Variants in TBXAS1 observed in about 807,000 individuals in gnomAD.
The protein encoded by TBXAS1 is thromboxane-A synthase.
A neutral mutation model predicts 60.7 loss-of-function variants in TBXAS1; 48 were observed. The observed-to-expected ratio is 0.79, with a 90% CI of 0.63 to 1.01. The LOEUF (loss-of-function observed/expected upper bound fraction) is 1.01. Ranked by LOEUF, TBXAS1 falls within the 50% of genes least tolerant of loss-of-function variation. The pLI is 0.00. For synonymous variants in TBXAS1, 287 were observed against 269.7 expected (o/e 1.06, Z -0.63); for missense variants, 685 against 686.3 (o/e 1.00, Z 0.02).
In TBXAS1 at chr7:139,896,771, C is replaced by T. The variant is rs1804130759; in HGVS notation, c.237-14454C>T. Among the ~76,000 whole-genome samples, 1 of 152,138 alleles carries T rather than the reference C, an allele frequency of 6.6e-6. No homozygotes were observed. Among genetic ancestry groups the T allele is most frequent in the Admixed American group, 6.5e-5 (1 of 15,272 alleles). ...CGTGAACTGAGAACGTTTGGAAACA[C>T]AGGTATAAGAGGAATGGGGTGAGGA... is the stretch of plus-strand genomic sequence containing the variant. On this transcript the variant is annotated intron_variant, in intron 3 of 12. Transcript: ENST00000448866. The surrounding 1 kb of genome is among the most constrained non-coding windows in gnomAD (Gnocchi z 4.0).
chr7:139,843,137 G>A (rs892967021), intron 1 of TBXAS1, among the ~76,000 whole-genome samples: 6 of 152,178 alleles, frequency 3.9e-5, no homozygotes, highest in African/African-American at 7.2e-5. Flanking sequence ...GCTGCACAGC[G>A]CAGTCCCTGT....
chr7:139,955,876 G>A (rs1447735021), intron 7 of TBXAS1, among the ~76,000 whole-genome samples: 4 of 152,206 alleles, frequency 2.6e-5, no homozygotes, highest in East Asian at 1.9e-4. Flanking sequence ...TGTTAGGCAC[G>A]GGGTGTGCGT....
At position 139,973,874 on chromosome 7, in the gene TBXAS1, T is replaced by G. The variant is rs1811385691; in HGVS notation, c.1134+11641T>G. 3.3e-5 allele frequency among the ~76,000 whole-genome samples: 5 copies of G among 152,186 alleles called. No homozygotes were observed. In the South Asian group the frequency reaches 8.3e-4, roughly 25 times the overall value. ...CCTCGAATGTTCCCTATAGGAGGAA[T>G]GTAATTAAACTCCACTGGCCTCCCC... On this transcript the variant is annotated intron_variant, in intron 9 of 12. Coordinates refer to ENST00000448866, the MANE Select transcript of TBXAS1 (RefSeq NM_001061.7).
chr7:139,817,881 G>A (rs1798191249), intron 4 of TBXAS1, among the ~76,000 whole-genome samples: 2 of 152,222 alleles, frequency 1.3e-5, no homozygotes, highest in Non-Finnish European at 2.9e-5. Flanking sequence ...TATGTCAAGT[G>A]TTCTTGCAGA....
Position 139,953,508 on chromosome 7 carries a change from T to C in TBXAS1, c.539+52T>C, listed in dbSNP as rs776059796. ...AATCGAGTTTTTGAATCACTGCTTC[T>C]TGTAACTGTCCATAATTGCTGACAA... On this transcript the variant is annotated intron_variant, in intron 6 of 12. Coordinates refer to ENST00000448866, the MANE Select transcript of TBXAS1 (RefSeq NM_001061.7). The C allele has an allele frequency of 1.3e-5, 20 of 1,534,920 alleles. No homozygotes were observed. The South Asian group carries it at 1.7e-4, about 13-fold the overall frequency.
intron 9 of TBXAS1, among the ~76,000 whole-genome samples, chr7:139,985,744 A>G (rs10251092): frequency 0.97 from 148,012 of 152,320 alleles, 71,954 homozygotes; most frequent in Middle Eastern, 1. Flanking sequence ...GCTCCCCATA[A>G]GGTGAGACCC....
At chr7:140,018,694 A>C (rs1815296119) in intron 12 of TBXAS1, among the ~76,000 whole-genome samples, 1 of 152,222 alleles carries the variant, frequency 6.6e-6, no homozygotes, top group East Asian at 1.9e-4. Flanking sequence ...GAGGAATCAA[A>C]GCTCAGAGAG....
At chr7:139,988,536 G>A (rs571864239) in intron 9 of TBXAS1, among the ~76,000 whole-genome samples, 1 of 152,096 alleles carries the variant, frequency 6.6e-6, no homozygotes, top group Admixed American at 6.5e-5. Context: ...GACTTCTGCC[G>A]TGGTCCTGCC....
chr7:139,796,435 A>G (rs1211643010), intron 4 of TBXAS1, among the ~76,000 whole-genome samples: 2 of 152,238 alleles, frequency 1.3e-5, no homozygotes, highest in African/African-American at 4.8e-5. Context: ...TGGCATAGGC[A>G]AGACTATGGA....
intron 9 of TBXAS1, among the ~76,000 whole-genome samples, chr7:139,972,520 C>A (rs1049830809): frequency 1.3e-4 from 20 of 152,118 alleles, no homozygotes; most frequent in Non-Finnish European, 2.9e-5. Flanking sequence ...TTATTCCCAA[C>A]AATTAGCTCT....
chr7:139,986,722 CATATATATATAT>C (rs1430609067), intron 9 of TBXAS1, among the ~76,000 whole-genome samples: 1 of 66,098 alleles, frequency 1.5e-5, no homozygotes, highest in Admixed American at 1.9e-4. Context: ...AGTATTCCAT[CATATATATATAT>C]ATATACATAC....
rs554945475 is a variant in TBXAS1, at chr7:139,841,082, C to A, written c.89+11603C>A. Among the ~76,000 whole-genome samples the A allele has an allele frequency of 1.5e-3, 221 of 152,364 alleles. 1 individual carries two copies. Among genetic ancestry groups the A allele is most frequent in the African/African-American group, 5.0e-3 (208 of 41,592 alleles). On this transcript the variant is annotated intron_variant, in intron 1 of 12. Coordinates refer to ENST00000448866, the MANE Select transcript of TBXAS1 (RefSeq NM_001061.7). ...TTCTTCTGCCTGGGCACCTCATCAT[C>A]CCCAGCAGTAGTTCCTAGGTGTGAG...
Position 140,017,559 on chromosome 7 carries a change from G to C in TBXAS1, c.1365-112G>C, listed in dbSNP as rs1191492189. ...AGGAATGAGCAGCCATCAGCTCCCA[G>C]AGCCTTGGAGACATCCTTGTCTCAG... On this transcript the variant is annotated intron_variant, in intron 11 of 12. Coordinates refer to ENST00000448866, the MANE Select transcript of TBXAS1 (RefSeq NM_001061.7). 14 of 1,432,360 alleles carry C rather than the reference G, an allele frequency of 9.8e-6. No homozygotes were observed. The South Asian group carries it at 1.2e-4, about 12-fold the overall frequency. The allele number at this position is 1,432,360 out of a possible 1,614,324, so 88.7% of individuals were successfully genotyped here.
At chr7:139,781,157 G>A (rs188312663) in intron 2 of TBXAS1, among the ~76,000 whole-genome samples, 1 of 152,308 alleles carries the variant, frequency 6.6e-6, no homozygotes, top group East Asian at 1.9e-4. Flanking sequence ...TCCATGAGAT[G>A]CAAAACATGC....
chr7:139,865,887 G>GA lies in TBXAS1; in HGVS notation c.90-6347dup, dbSNP rs1801381788. ...GGAAGGAAGGAGGGAGGGAGGGAAG[G>GA]AGGAAGGAGGGAGGGAGGAAGGAAG... On this transcript the variant is annotated intron_variant, in intron 1 of 12. Transcript: ENST00000448866. Among the ~76,000 whole-genome samples the GA allele has an allele frequency of 1.6e-4, 21 of 129,260 alleles. 1 individual carries two copies. Among genetic ancestry groups the GA allele is most frequent in the African/African-American group, 6.6e-4 (21 of 32,030 alleles). The allele number at this position is 129,260 out of a possible 152,430, so 84.8% of individuals were successfully genotyped here.
At chr7:139,875,954 C>A (rs1249673482) in intron 3 of TBXAS1, 4 of 420,520 alleles carry the variant, frequency 9.5e-6, no homozygotes, top group African/African-American at 4.0e-5. Context: ...GATGTGGTGG[C>A]CTCTTTGCCT....
intron 5 of TBXAS1, among the ~76,000 whole-genome samples, chr7:139,943,751 A>G (rs1214839103): frequency 1.3e-5 from 2 of 152,210 alleles, no homozygotes; most frequent in African/African-American, 2.4e-5. Flanking sequence ...GATGTTTTTA[A>G]TATCTGGGTG....
At chr7:139,805,694 CTTTCTTTCTTTCTTTCTT>C (rs546741359) in intron 4 of TBXAS1, among the ~76,000 whole-genome samples, 1,838 of 30,774 alleles carry the variant, frequency 0.06, 39 homozygotes, top group Non-Finnish European at 0.073. Context: ...TTCTTTCTTT[CTTTCTTTCTTTCTTTCTT>C]TCTCTCTCTC....
intron 5 of TBXAS1, among the ~76,000 whole-genome samples, chr7:139,942,847 A>C (rs1014506121): frequency 3.9e-5 from 6 of 152,344 alleles, no homozygotes; most frequent in African/African-American, 1.4e-4. Flanking sequence ...TAATGTATGA[A>C]TCTTAAAGGC....
Sources: gnomAD v4.1 joint callset for allele counts (sites outside exome capture counted in the v4.1 genomes callset) on GRCh38, gnomAD v4.1.1 for gene constraint, Gnocchi (gnomAD v3.1) non-coding constraint, MANE v1.5 for transcripts, NCBI Gene and HGNC (gene_info 2026-07-23, HGNC 2026-07-21) for gene names.